Variants in OCA2 observed in about 807,000 individuals in gnomAD.
OCA2 encodes the protein P protein.
OCA2 carries 77 observed loss-of-function variants against 100.2 expected under a neutral mutation model. The observed-to-expected ratio is 0.77, with a 90% CI of 0.64 to 0.93. OCA2 has a LOEUF of 0.93. OCA2 is among the 40% of genes least tolerant of loss of function. The probability of loss-of-function intolerance (pLI) is 0.00; values close to 1 mark genes in which losing one functional copy is unlikely to be tolerated. For synonymous variants in OCA2, 432 were observed against 439.2 expected (o/e 0.98, Z 0.21); for missense variants, 1,062 against 1,089.1 (o/e 0.98, Z 0.35).
At chr15:27,895,928 C>A in intron 19 of OCA2, 1 of 646,066 alleles carries the variant, frequency 1.5e-6, no homozygotes, top group Non-Finnish European at 2.9e-6. Flanking sequence ...TATGATAGTA[C>A]GCACAGCATA....
chr15:28,003,891 G>A (rs942275810), intron 9 of OCA2, among the ~76,000 whole-genome samples: 2 of 152,234 alleles, frequency 1.3e-5, no homozygotes, highest in African/African-American at 2.4e-5. Flanking sequence ...GTCATGCTCC[G>A]GCCTACGCCC....
intron 18 of OCA2, among the ~76,000 whole-genome samples, chr15:27,950,980 A>C (rs1033393339): frequency 6.6e-6 from 1 of 152,212 alleles, no homozygotes. Flanking sequence ...AAAGACTGTG[A>C]CACCACCTCA....
chr15:27,851,617 G>A (rs2151413851), intron 21 of OCA2, 142 bp from the exon 22 acceptor site: 1 of 774,642 alleles, frequency 1.3e-6, no homozygotes, highest in Non-Finnish European at 2.2e-6. Flanking sequence ...AACCAAAGCA[G>A]ACTTTGGAAT....
At chr15:28,074,104 G>C (rs2044350682) in intron 2 of OCA2, among the ~76,000 whole-genome samples, 1 of 152,148 alleles carries the variant, frequency 6.6e-6, no homozygotes, top group Admixed American at 6.5e-5. Flanking sequence ...GGGAAGGCAA[G>C]TGGCATCGAA....
In OCA2 at chr15:28,069,425, TCCCCCTCC is replaced by T. The variant is rs1566862789; in HGVS notation, c.227+12215_227+12222del. Among the ~76,000 whole-genome samples, 38 of 17,176 alleles carry T rather than the reference TCCCCCTCC, an allele frequency of 2.2e-3. 2 individuals are homozygous for T. In the African/African-American group the frequency reaches 0.023, roughly 10 times the overall value. The allele number at this position is 17,176 out of a possible 152,430, so 11.3% of individuals were successfully genotyped here. Reference sequence around the variant, plus strand: ...CTCCCCTTCCCCCTCCCCCTCCCCCTCCCCCTCCCCCTCTCCCCGGTCTCCCTCTCATG... The same window carrying T: ...CTCCCCTTCCCCCTCCCCCTCCCCCTCCCTCTCCCCGGTCTCCCTCTCATG... On this transcript the variant is annotated intron_variant, in intron 2 of 23. Coordinates refer to ENST00000354638, the MANE Select transcript of OCA2 (RefSeq NM_000275.3).
chr15:27,990,612 G>A lies in OCA2; in HGVS notation c.1080C>T (p.Ser360=), dbSNP rs373775562. ...CAGCCAGTGCTGCCAGTGCTGCAAG[G>A]GAACCCAGCATGGCCGCCAGAGTTC... ...VHRTLAAMLG[S]LAALAALAVI... is the part of the protein sequence containing the mutation. Residue 360 remains serine (S), a synonymous_variant, in exon 10 of 24, where the codon TCC becomes TCT. Coordinates refer to ENST00000354638, the MANE Select transcript of OCA2 (RefSeq NM_000275.3). 28 of 1,613,932 alleles carry A rather than the reference G, an allele frequency of 1.7e-5. No homozygotes were observed. Among genetic ancestry groups the A allele is most frequent in the Non-Finnish European group, 2.2e-5 (26 of 1,180,014 alleles).
At chr15:27,970,396 GA>G (rs2040733811) in intron 14 of OCA2, among the ~76,000 whole-genome samples, 1 of 152,186 alleles carries the variant, frequency 6.6e-6, no homozygotes, top group Admixed American at 6.5e-5. Flanking sequence ...GGGAGTGGGG[GA>G]AAAGCAGTAG....
At chr15:27,959,554 C>T (rs894021563) in intron 15 of OCA2, among the ~76,000 whole-genome samples, 3 of 152,240 alleles carry the variant, frequency 2.0e-5, no homozygotes, top group African/African-American at 2.4e-5. Flanking sequence ...AAAGGCATCA[C>T]GGTGAAGGGC....
At chr15:27,757,326 T>G (rs2030461878) in intron 23 of OCA2, among the ~76,000 whole-genome samples, 1 of 152,222 alleles carries the variant, frequency 6.6e-6, no homozygotes, top group South Asian at 2.1e-4. Context: ...GGTAAATGAC[T>G]TACTGAATAT....
At chr15:28,010,255 G>A (rs1016559502) in intron 9 of OCA2, among the ~76,000 whole-genome samples, 1 of 152,126 alleles carries the variant, frequency 6.6e-6, no homozygotes. Flanking sequence ...GTCTCATAAA[G>A]AGCACCTACA....
intron 21 of OCA2, among the ~76,000 whole-genome samples, chr15:27,861,235 G>C (rs1433975964): frequency 6.6e-6 from 1 of 152,176 alleles, no homozygotes; most frequent in African/African-American, 2.4e-5. Context: ...TCAGGGGCTT[G>C]AGCAACTGAG....
chr15:27,935,002 C>T (rs539849718), intron 18 of OCA2, among the ~76,000 whole-genome samples: 31 of 152,130 alleles, frequency 2.0e-4, no homozygotes, highest in Non-Finnish European at 4.1e-4. Context: ...ACTGCAGCCC[C>T]GGTCCCTGTG....
At chr15:28,063,575 TTTAG>T (rs1167495082) in intron 2 of OCA2, among the ~76,000 whole-genome samples, 1 of 152,128 alleles carries the variant, frequency 6.6e-6, no homozygotes, top group African/African-American at 2.4e-5. Flanking sequence ...TATATGTTAT[TTTAG>T]TTATTTTCTT....
Position 28,022,116 on chromosome 15 carries a change from A to G in OCA2, c.646+385T>C, listed in dbSNP as rs115646795. ...GCAAGAAGGCCAGAGCAAGCACAGTAGGAGGTGCCACAGCAGTCATCAGAG... is the reference window on the plus strand; with the variant it reads ...GCAAGAAGGCCAGAGCAAGCACAGTGGGAGGTGCCACAGCAGTCATCAGAG... On this transcript the variant is annotated intron_variant, in intron 6 of 23. Transcript: ENST00000354638. Among the ~76,000 whole-genome samples, 911 of 152,350 alleles carry G rather than the reference A, an allele frequency of 6.0e-3. 13 individuals carry two copies. The highest frequency in any genetic ancestry group is 0.021 in the African/African-American group (856 of 41,584).
At chr15:27,966,124 C>T (rs2040558310) in intron 15 of OCA2, among the ~76,000 whole-genome samples, 1 of 152,176 alleles carries the variant, frequency 6.6e-6, no homozygotes, top group Non-Finnish European at 1.5e-5. Context: ...GCCTGTGCCA[C>T]CATGCCCGGC....
At chr15:27,808,871 G>A (rs1046527763) in intron 23 of OCA2, among the ~76,000 whole-genome samples, 1 of 152,216 alleles carries the variant, frequency 6.6e-6, no homozygotes, top group Admixed American at 6.5e-5. Context: ...GACAACGGCT[G>A]TCCTGCTCCC....
intron 19 of OCA2, among the ~76,000 whole-genome samples, chr15:27,879,817 T>C (rs1040919655): frequency 2.0e-5 from 3 of 152,178 alleles, no homozygotes; most frequent in African/African-American, 7.2e-5. Context: ...CTCATTCTGA[T>C]GTTAGTTTCT....
intron 18 of OCA2, among the ~76,000 whole-genome samples, chr15:27,940,497 T>C (rs1487675421): frequency 1.3e-5 from 2 of 152,208 alleles, no homozygotes; most frequent in African/African-American, 4.8e-5. Context: ...GTTTCTATGG[T>C]GGCATCACAA....
chr15:27,889,674 G>A (rs922579972), intron 19 of OCA2, among the ~76,000 whole-genome samples: 9 of 152,270 alleles, frequency 5.9e-5, no homozygotes, highest in East Asian at 1.9e-4. Flanking sequence ...GAGGCATTCC[G>A]AGGTTATCAG....
Sources: allele counts gnomAD v4.1 joint callset (sites outside exome capture counted in the v4.1 genomes callset), GRCh38; gene constraint gnomAD v4.1.1; transcripts MANE v1.5; gene names NCBI Gene and HGNC (gene_info 2026-07-23, HGNC 2026-07-21).